LPAR1: variants seen among roughly 807,000 people sequenced by gnomAD.
LPAR1 encodes LPA receptor 1.
A neutral mutation model predicts 23.8 loss-of-function variants in LPAR1; 5 were observed. The ratio of observed to expected loss-of-function variants is 0.21; its 90% CI spans 0.11 to 0.44. The LOEUF is 0.44. LPAR1 is among the 20% of genes least tolerant of loss of function. LPAR1 has a pLI of 0.99. For synonymous variants in LPAR1, 160 were observed against 164.7 expected (o/e 0.97, Z 0.22); for missense variants, 311 against 482.8 (o/e 0.64, Z 3.33).
intron 2 of LPAR1, among the ~76,000 whole-genome samples, chr9:111,029,706 T>G (rs1488000410): frequency 1.3e-5 from 2 of 152,082 alleles, no homozygotes; most frequent in Non-Finnish European, 2.9e-5. Flanking sequence ...CGCTCCATGT[T>G]CATGAGCTAC....
chr9:110,964,317 C>G (rs2096118957), intron 4 of LPAR1, among the ~76,000 whole-genome samples: 1 of 152,056 alleles, frequency 6.6e-6, no homozygotes, highest in African/African-American at 2.4e-5. Context: ...AACCCACCAA[C>G]TACAAGAACA....
chr9:110,880,209 T>C (rs2080354227), intron 5 of LPAR1, among the ~76,000 whole-genome samples: 1 of 152,142 alleles, frequency 6.6e-6, no homozygotes, highest in African/African-American at 2.4e-5. Flanking sequence ...CCCTGATGCA[T>C]CTGTCAAAGC....
At chr9:110,880,897 T>C (rs1012545488) in intron 5 of LPAR1, among the ~76,000 whole-genome samples, 2 of 152,196 alleles carry the variant, frequency 1.3e-5, no homozygotes, top group African/African-American at 2.4e-5. Flanking sequence ...GGTACACACA[T>C]ACTACATAGT....
At chr9:110,967,750 C>T (rs1477749995) in intron 4 of LPAR1, among the ~76,000 whole-genome samples, 4 of 152,180 alleles carry the variant, frequency 2.6e-5, no homozygotes, top group Admixed American at 6.5e-5. Flanking sequence ...GAGAAGACAT[C>T]AGTAGAAGCT....
chr9:110,965,535 T>C (rs2096183920), intron 4 of LPAR1, among the ~76,000 whole-genome samples: 1 of 152,242 alleles, frequency 6.6e-6, no homozygotes, highest in Admixed American at 6.5e-5. Flanking sequence ...TCATTATTCC[T>C]GGTCATTAGA....
chr9:110,937,585 A>C (rs7031268), intron 5 of LPAR1, among the ~76,000 whole-genome samples: 26,249 of 152,206 alleles, frequency 0.17, 3,060 homozygotes, highest in East Asian at 0.6. Context: ...CTAAGGTAGC[A>C]CATGATTTAT....
At chr9:111,017,037 C>T (rs972546891) in intron 2 of LPAR1, among the ~76,000 whole-genome samples, 1 of 152,180 alleles carries the variant, frequency 6.6e-6, no homozygotes, top group African/African-American at 2.4e-5. Flanking sequence ...GAGTTCTCCT[C>T]CCAGCACATG....
chr9:110,989,475 A>T (rs913675678), intron 2 of LPAR1, among the ~76,000 whole-genome samples: 1 of 152,226 alleles, frequency 6.6e-6, no homozygotes, highest in Non-Finnish European at 1.5e-5. Flanking sequence ...AGTTTTAAAA[A>T]GCAGGGGAGT....
intron 2 of LPAR1, among the ~76,000 whole-genome samples, chr9:110,987,794 C>T (rs1326947917): frequency 6.6e-6 from 1 of 151,634 alleles, no homozygotes; most frequent in Non-Finnish European, 1.5e-5. Flanking sequence ...CTGCATTGTT[C>T]GTGGGTCAAC....
At chr9:110,906,915 T>C (rs2091383084) in intron 5 of LPAR1, among the ~76,000 whole-genome samples, 1 of 152,088 alleles carries the variant, frequency 6.6e-6, no homozygotes, top group African/African-American at 2.4e-5. Flanking sequence ...AAAATTATGA[T>C]ATAAAAATCC....
At chr9:110,892,097 C>G (rs916386505) in intron 5 of LPAR1, among the ~76,000 whole-genome samples, 1 of 152,140 alleles carries the variant, frequency 6.6e-6, no homozygotes, top group Non-Finnish European at 1.5e-5. Flanking sequence ...ATGCCCAGAG[C>G]AAAATATTTG....
intron 5 of LPAR1, among the ~76,000 whole-genome samples, chr9:110,911,436 G>A (rs2092418789): frequency 1.3e-5 from 2 of 152,068 alleles, no homozygotes; most frequent in Non-Finnish European, 2.9e-5. Context: ...CAGCTACTTG[G>A]GAGGCTGAGG....
chr9:111,019,527 G>A (rs1035924448), intron 2 of LPAR1, among the ~76,000 whole-genome samples: 2 of 152,232 alleles, frequency 1.3e-5, no homozygotes, highest in South Asian at 2.1e-4. Context: ...ACTGGACAGA[G>A]TTACTTTTAT....
chr9:110,995,926 C>A (rs2096991865), intron 2 of LPAR1, among the ~76,000 whole-genome samples: 2 of 152,064 alleles, frequency 1.3e-5, no homozygotes, highest in African/African-American at 4.8e-5. Flanking sequence ...TGGCTGAAGT[C>A]TTTTATCAGG....
At chr9:110,972,833 G>C (rs2096464629) in intron 3 of LPAR1, among the ~76,000 whole-genome samples, 2 of 152,072 alleles carry the variant, frequency 1.3e-5, no homozygotes, top group South Asian at 4.2e-4. Flanking sequence ...TGTAATCCTA[G>C]CTACTCAGGA....
At chr9:110,883,905 G>A (rs979416218) in intron 5 of LPAR1, among the ~76,000 whole-genome samples, 2 of 151,840 alleles carry the variant, frequency 1.3e-5, no homozygotes, top group African/African-American at 4.8e-5. Flanking sequence ...GTGGCACATT[G>A]TTTCTTCTAA....
intron 4 of LPAR1, 151 bp from the exon 5 acceptor site, chr9:110,942,319 AT>A: frequency 1.5e-6 from 1 of 655,928 alleles, no homozygotes; most frequent in Non-Finnish European, 2.6e-6. Context: ...TCTTGTGATT[AT>A]GTTGAAACTC....
At chr9:110,979,252 T>C (rs1266597026) in intron 2 of LPAR1, among the ~76,000 whole-genome samples, 3 of 151,224 alleles carry the variant, frequency 2.0e-5, no homozygotes, top group African/African-American at 4.9e-5. Context: ...AAAAATTCAG[T>C]AGACAGATTG....
chr9:111,030,071 T>G (rs896845360), intron 2 of LPAR1, among the ~76,000 whole-genome samples: 3 of 143,798 alleles, frequency 2.1e-5, no homozygotes, highest in African/African-American at 7.9e-5. Context: ...AAAAAAAAAA[T>G]TTAGTGTCCT....
Sources: allele counts gnomAD v4.1 joint callset (sites outside exome capture counted in the v4.1 genomes callset), GRCh38; gene constraint gnomAD v4.1.1; transcripts MANE v1.5; gene names NCBI Gene and HGNC (gene_info 2026-07-23, HGNC 2026-07-21).